CSMD2: variants seen among roughly 807,000 people sequenced by gnomAD.
CSMD2 encodes CUB and sushi domain-containing protein 2.
CSMD2 carries 130 observed loss-of-function variants against 398.5 expected under a neutral mutation model. That is an observed-to-expected ratio of 0.33 (90% confidence interval 0.28 to 0.38). The LOEUF (loss-of-function observed/expected upper bound fraction) is 0.38, where lower values mean the gene tolerates loss of function less well. Among genes scored for constraint, CSMD2 ranks in the 10% least tolerant of loss-of-function variants. The pLI, the probability that CSMD2 is intolerant of heterozygous loss-of-function variation, is 1.00. For missense variants in CSMD2, 3,829 were observed against 4,764.9 expected, an observed-to-expected ratio of 0.80 and a Z score of 5.78; for synonymous variants, 1,828 against 1,908.5, an observed-to-expected ratio of 0.96 and a Z score of 1.10.
chr1:33,781,552 T>C (rs1327459981), intron 12 of CSMD2, among the ~76,000 whole-genome samples: 1 of 152,188 alleles, frequency 6.6e-6, no homozygotes. Context: ...GCAGCCCCTC[T>C]GCATAATCTC....
chr1:33,762,619 T>A (rs1029572655), intron 13 of CSMD2, among the ~76,000 whole-genome samples: 1 of 152,180 alleles, frequency 6.6e-6, no homozygotes. Context: ...CTGGGTTGGA[T>A]TGGACTGAAA....
At position 33,669,765 on chromosome 1, in the gene CSMD2, C is replaced by T. The variant is rs1310025725; in HGVS notation, c.4053-6673G>A. Among the ~76,000 whole-genome samples, 7 of 151,988 alleles carry T rather than the reference C, an allele frequency of 4.6e-5. No individual in the cohort carries two copies. The East Asian group carries it at 1.2e-3, about 25-fold the overall frequency. ...AAGGGCATACTGGATTAGGGTGGGC[C>T]GTAAATCCAATGACTGATATCGTAA... On this transcript the variant is annotated intron_variant, in intron 25 of 70. Transcript: ENST00000373381.
chr1:34,033,728 C>T (rs191954300), intron 2 of CSMD2, among the ~76,000 whole-genome samples: 6 of 152,238 alleles, frequency 3.9e-5, no homozygotes, highest in East Asian at 1.9e-4. Context: ...TTGAAATATC[C>T]GTGGTTCTCC....
chr1:33,887,336 G>A (rs116784136), intron 5 of CSMD2, among the ~76,000 whole-genome samples: 270 of 152,152 alleles, frequency 1.8e-3, no homozygotes, highest in Non-Finnish European at 2.7e-3. Flanking sequence ...CACAGAAAGA[G>A]GAATGGTTAA....
chr1:33,530,992 C>T lies in CSMD2; in HGVS notation c.10171+2058G>A, dbSNP rs192292401. Among the ~76,000 whole-genome samples, 265 of 152,168 alleles carry T rather than the reference C, an allele frequency of 1.7e-3. 2 individuals carry two copies. Among genetic ancestry groups the T allele is most frequent in the African/African-American group, 5.9e-3 (244 of 41,514 alleles). On this transcript the variant is annotated intron_variant, in intron 64 of 70. Coordinates refer to ENST00000373381, the MANE Select transcript of CSMD2 (RefSeq NM_001281956.2). ...AATTGGAAAGATGTTGGCCAAAGGG[C>T]ACAGAATTTCAGTTAGACAGGGAAT...
chr1:34,148,957 C>A (rs562362586), intron 1 of CSMD2, among the ~76,000 whole-genome samples: 2 of 152,294 alleles, frequency 1.3e-5, no homozygotes, highest in East Asian at 3.9e-4. Context: ...ACCTCAGAAG[C>A]CAAGGGTCTA....
At chr1:33,572,412 T>C in intron 50 of CSMD2, 94 bp downstream of exon 50, 11 of 1,070,188 alleles carry the variant, frequency 1.0e-5, no homozygotes, top group South Asian at 9.3e-5. Context: ...TTTTTCCCCC[T>C]CATTACTTTG....
intron 3 of CSMD2, among the ~76,000 whole-genome samples, chr1:34,015,238 A>G (rs1300921305): frequency 1.3e-5 from 2 of 152,082 alleles, no homozygotes; most frequent in East Asian, 1.9e-4. Context: ...GGGGAAGCAC[A>G]CTCGACCTCA....
At chr1:33,998,971 C>T (rs1047975552) in intron 3 of CSMD2, among the ~76,000 whole-genome samples, 3 of 152,148 alleles carry the variant, frequency 2.0e-5, no homozygotes, top group African/African-American at 4.8e-5. Flanking sequence ...CCCAGGCTCC[C>T]GGATTCTGTC....
At chr1:34,132,455 T>C (rs1374100786) in intron 1 of CSMD2, among the ~76,000 whole-genome samples, 1 of 152,202 alleles carries the variant, frequency 6.6e-6, no homozygotes, top group Non-Finnish European at 1.5e-5. Flanking sequence ...CAGGTGTAGT[T>C]ACTTGCTCCC....
chr1:33,781,969 G>T (rs1652829039), intron 12 of CSMD2, among the ~76,000 whole-genome samples: 2 of 151,664 alleles, frequency 1.3e-5, no homozygotes, highest in Admixed American at 6.6e-5. Context: ...TTTCCCACCA[G>T]GTTCATGCTT....
At chr1:33,571,138 C>T (rs1659556425) in intron 51 of CSMD2, among the ~76,000 whole-genome samples, 1 of 152,264 alleles carries the variant, frequency 6.6e-6, no homozygotes, top group South Asian at 2.1e-4. Flanking sequence ...CAGGTCTTAT[C>T]GCACCACATT....
chr1:33,548,641 ATCTC>A (rs1313891375), intron 56 of CSMD2, among the ~76,000 whole-genome samples: 1 of 152,196 alleles, frequency 6.6e-6, no homozygotes. Context: ...GGGAGGAACT[ATCTC>A]TATATCTGTG....
At chr1:33,867,371 A>C (rs1308832587) in intron 5 of CSMD2, among the ~76,000 whole-genome samples, 1 of 152,232 alleles carries the variant, frequency 6.6e-6, no homozygotes, top group Non-Finnish European at 1.5e-5. Context: ...ATCCTTCCCC[A>C]GTCAAGCCAG....
chr1:33,677,834 C>T (rs531293518), intron 25 of CSMD2, among the ~76,000 whole-genome samples: 1 of 151,554 alleles, frequency 6.6e-6, no homozygotes, highest in African/African-American at 2.4e-5. Context: ...TGGGAACCAT[C>T]ATTCTCAGCA....
Position 33,519,416 on chromosome 1 carries a change from C to A in CSMD2, c.*53+49G>T. 5.0e-6 allele frequency: 6 copies of A among 1,208,464 alleles called. No homozygotes were observed. In the South Asian group the frequency reaches 6.5e-5, roughly 13 times the overall value. 74.9% of individuals were successfully genotyped at this position (1,208,464 alleles called of 1,614,324 possible). A position where few individuals can be genotyped will look rare whatever the true frequency, so the allele number is the denominator to read the frequency against. Reference sequence around the variant, plus strand: ...GGTGGAGCCCCTGGCACGCATAGGTCCCTGTCTGTGCTTGTCATGGCCTGT... The same window carrying A: ...GGTGGAGCCCCTGGCACGCATAGGTACCTGTCTGTGCTTGTCATGGCCTGT... On this transcript the variant is annotated intron_variant, in intron 70 of 70. Coordinates refer to ENST00000373381, the MANE Select transcript of CSMD2 (RefSeq NM_001281956.2). This position sits in a 1 kb window ranked among gnomAD's most constrained non-coding sequence, Gnocchi z 5.6.
At chr1:33,657,644 C>T (rs1274608888) in intron 27 of CSMD2, among the ~76,000 whole-genome samples, 1 of 152,176 alleles carries the variant, frequency 6.6e-6, no homozygotes, top group African/African-American at 2.4e-5. Context: ...ACCCACTGTC[C>T]TCCTTCTGAC....
chr1:33,886,373 G>A (rs1474731821), intron 5 of CSMD2, among the ~76,000 whole-genome samples: 1 of 152,180 alleles, frequency 6.6e-6, no homozygotes, highest in Non-Finnish European at 1.5e-5. Context: ...GCGTACTGGT[G>A]TTGCAGAGAA....
chr1:33,880,585 G>A (rs1044200652), intron 5 of CSMD2, among the ~76,000 whole-genome samples: 1 of 152,150 alleles, frequency 6.6e-6, no homozygotes, highest in Non-Finnish European at 1.5e-5. Flanking sequence ...CAGCTCAGTG[G>A]TTTTGGCTCT....
Sources: allele counts gnomAD v4.1 joint callset (sites outside exome capture counted in the v4.1 genomes callset), GRCh38; gene constraint gnomAD v4.1.1; non-coding constraint Gnocchi (gnomAD v3.1); transcripts MANE v1.5; gene names NCBI Gene and HGNC (gene_info 2026-07-23, HGNC 2026-07-21).